Variants in FHOD3 observed in about 807,000 individuals in gnomAD.
FHOD3 encodes FH1/FH2 domain-containing protein 3.
FHOD3 carries 90 observed loss-of-function variants against 173.0 expected under a neutral mutation model. The observed-to-expected ratio is 0.52, with a 90% CI of 0.44 to 0.62. The LOEUF is 0.62. Ranked by LOEUF, FHOD3 falls within the 20% of genes least tolerant of loss-of-function variation. The pLI is 0.00. For missense variants in FHOD3, 1,945 were observed against 2,034.7 expected (o/e 0.96, Z 0.85); for synonymous variants, 828 against 823.0 (o/e 1.01, Z -0.10).
At chr18:36,567,907 A>G (rs1479745037) in intron 5 of FHOD3, among the ~76,000 whole-genome samples, 1 of 152,074 alleles carries the variant, frequency 6.6e-6, no homozygotes, top group African/African-American at 2.4e-5. Context: ...ACTCACTCAC[A>G]GAAGTCTGGT....
intron 10 of FHOD3, among the ~76,000 whole-genome samples, chr18:36,627,982 G>A (rs1260101124): frequency 6.6e-6 from 1 of 152,160 alleles, no homozygotes; most frequent in Admixed American, 6.5e-5. Flanking sequence ...CTAGCTTATA[G>A]CAACATGCCT....
chr18:36,452,894 A>G (rs897580607), intron 3 of FHOD3, among the ~76,000 whole-genome samples: 3 of 152,076 alleles, frequency 2.0e-5, no homozygotes, highest in Admixed American at 6.6e-5. Flanking sequence ...ATATATATGC[A>G]TGCCATATTT....
At chr18:36,433,624 A>G (rs967039151) in intron 3 of FHOD3, among the ~76,000 whole-genome samples, 1 of 152,252 alleles carries the variant, frequency 6.6e-6, no homozygotes, top group African/African-American at 2.4e-5. Context: ...AGATATGAAC[A>G]GAAAGTGAGA....
intron 6 of FHOD3, among the ~76,000 whole-genome samples, chr18:36,578,949 TA>T (rs202035361): frequency 9.9e-5 from 15 of 151,712 alleles, no homozygotes; most frequent in Middle Eastern, 3.4e-3. Context: ...TGAAAATCTT[TA>T]AAAAAAAATG....
chr18:36,653,825 T>C (rs976233413), intron 13 of FHOD3, among the ~76,000 whole-genome samples: 9 of 152,328 alleles, frequency 5.9e-5, no homozygotes, highest in African/African-American at 2.2e-4. Context: ...CTGACATTTA[T>C]TGAGCATTGT....
At chr18:36,332,507 T>TTG (rs1234536692) in intron 1 of FHOD3, among the ~76,000 whole-genome samples, 1 of 152,228 alleles carries the variant, frequency 6.6e-6, no homozygotes, top group African/African-American at 2.4e-5. Context: ...GGAACTTAAC[T>TTG]TGCCCCATTT....
intron 5 of FHOD3, among the ~76,000 whole-genome samples, chr18:36,561,189 G>A (rs529539734): frequency 4.6e-5 from 7 of 152,282 alleles, no homozygotes; most frequent in African/African-American, 1.2e-4. Context: ...AGAAATGAAA[G>A]CAAAATACTA....
At chr18:36,381,970 G>A (rs1300165664) in intron 3 of FHOD3, among the ~76,000 whole-genome samples, 1 of 152,198 alleles carries the variant, frequency 6.6e-6, no homozygotes, top group Non-Finnish European at 1.5e-5. Context: ...GGCTCTGGGA[G>A]GTGTTATGTG....
At chr18:36,422,077 A>G (rs2050015061) in intron 3 of FHOD3, among the ~76,000 whole-genome samples, 1 of 152,236 alleles carries the variant, frequency 6.6e-6, no homozygotes, top group Non-Finnish European at 1.5e-5. Context: ...AGTGATTTAT[A>G]GTAAAATATC....
At chr18:36,775,019 G>T (rs1600668864) in intron 28 of FHOD3, among the ~76,000 whole-genome samples, 1 of 152,122 alleles carries the variant, frequency 6.6e-6, no homozygotes, top group Non-Finnish European at 1.5e-5. Context: ...AGCACATCTG[G>T]CCCTGCCGTT....
intron 3 of FHOD3, among the ~76,000 whole-genome samples, chr18:36,418,304 A>G (rs1035208987): frequency 2.0e-5 from 3 of 152,220 alleles, no homozygotes; most frequent in African/African-American, 7.2e-5. Flanking sequence ...AGAGGTTATT[A>G]TTTAGAATGT....
chr18:36,372,705 C>T lies in FHOD3; in HGVS notation c.298C>T (p.Leu100=). 1 of 1,614,016 alleles carries T rather than the reference C, an allele frequency of 6.2e-7. No homozygotes were observed. The highest frequency in any genetic ancestry group is 8.5e-7 in the Non-Finnish European group (1 of 1,179,970). ...AGRGKKHSII[L]RTQLSVRVHA... ...GCGGGGCAAGAAGCACAGCATCATC[C>T]TAAGGACGCAGCTGTCTGTGAGGGT... is the stretch of plus-strand genomic sequence containing the variant. Residue 100 remains leucine, a synonymous_variant, in exon 3 of 29, where the codon CTA becomes TTA. Coordinates refer to ENST00000590592, the MANE Select transcript of FHOD3 (RefSeq NM_001281740.3).
rs2039085274 is a variant in FHOD3, at chr18:36,693,496, A to G, written c.2236+73A>G. On this transcript the variant is annotated intron_variant, in intron 17 of 28. Transcript: ENST00000590592. Reference sequence around the variant, plus strand: ...AGGCTTCCTCAGGGCAGTAGTGATGATTTCAACCTGCAGGCTAATACTGAG... The same window carrying G: ...AGGCTTCCTCAGGGCAGTAGTGATGGTTTCAACCTGCAGGCTAATACTGAG... 2.2e-6 allele frequency: 3 copies of G among 1,353,058 alleles called. No individual in the cohort carries two copies. In the African/African-American group the frequency reaches 4.3e-5, roughly 20 times the overall value. 83.8% of individuals were successfully genotyped at this position (1,353,058 alleles called of 1,614,324 possible). A position where few individuals can be genotyped will look rare whatever the true frequency, so the allele number is the denominator to read the frequency against.
In FHOD3 at chr18:36,652,650, A is replaced by G. The variant is rs1475658251; in HGVS notation, c.1367A>G (p.Asn456Ser). Residue 456 changes from asparagine (N) to serine (S), a missense_variant, in exon 12 of 29, where the codon AAT (asparagine) becomes AGT (serine). Coordinates refer to ENST00000590592, the MANE Select transcript of FHOD3 (RefSeq NM_001281740.3). Reference protein sequence around the residue: ...PKSSALPAVSNASSQGKPLLV... With the variant: ...PKSSALPAVSSASSQGKPLLV... The stretch of plus-strand genomic sequence containing the variant: ...AGCTCTGCCCTCCCTGCTGTCTCGA[A>G]TGCCAGCTCGCAGGGAAAGCCGCTT... 8 of 1,535,390 alleles carry G rather than the reference A, an allele frequency of 5.2e-6. No individual in the cohort carries two copies. The East Asian group carries it at 1.7e-4, about 33-fold the overall frequency.
chr18:36,497,811 C>T (rs1404731577), intron 3 of FHOD3, among the ~76,000 whole-genome samples: 1 of 152,114 alleles, frequency 6.6e-6, no homozygotes, highest in East Asian at 1.9e-4. Flanking sequence ...AATGGAAAGT[C>T]AGTAAGAATA....
At chr18:36,678,565 A>G (rs2149378664) in intron 14 of FHOD3, among the ~76,000 whole-genome samples, 1 of 151,084 alleles carries the variant, frequency 6.6e-6, no homozygotes, top group East Asian at 1.9e-4. Context: ...AGAAAGAAAG[A>G]AAGAAAAAAA....
intron 24 of FHOD3, among the ~76,000 whole-genome samples, chr18:36,750,962 G>T (rs1266798581): frequency 6.6e-6 from 1 of 152,138 alleles, no homozygotes; most frequent in Non-Finnish European, 1.5e-5. Context: ...GGTAATCCAG[G>T]CTCTTTTTTT....
chr18:36,355,573 G>T lies in FHOD3; in HGVS notation c.200G>T (p.Gly67Val). 6.2e-7 allele frequency: 1 copy of T among 1,614,110 alleles called. No individual in the cohort carries two copies. The highest frequency in any genetic ancestry group is 8.5e-7 in the Non-Finnish European group (1 of 1,179,988). ...DDCTLQLSHNGAYLDLEATLA... is the reference protein window; with the variant it reads ...DDCTLQLSHNVAYLDLEATLA... ...TGTACTCTGCAGCTCTCTCACAATG[G>T]CGCCTACCTGGATTTGGAGGCCACC... Residue 67 changes from glycine to valine, a missense_variant, in exon 2 of 29, where the codon GGC (glycine) becomes GTC (valine). Gly to Val is a moderately radical substitution (Grantham distance 109). Coordinates refer to ENST00000590592, the MANE Select transcript of FHOD3 (RefSeq NM_001281740.3).
intron 5 of FHOD3, among the ~76,000 whole-genome samples, chr18:36,568,141 G>A (rs1489978901): frequency 6.3e-5 from 9 of 142,480 alleles, no homozygotes; most frequent in East Asian, 2.0e-4. Flanking sequence ...CTGGCCAACC[G>A]GACAAAATCC....
Sources: allele counts gnomAD v4.1 joint callset (sites outside exome capture counted in the v4.1 genomes callset), GRCh38; gene constraint gnomAD v4.1.1; transcripts MANE v1.5; gene names NCBI Gene and HGNC (gene_info 2026-07-23, HGNC 2026-07-21).